PPP4R3B: variants seen among roughly 807,000 people sequenced by gnomAD.
PPP4R3B encodes serine/threonine-protein phosphatase 4 regulatory subunit 3B.
PPP4R3B carries 52 observed loss-of-function variants against 95.4 expected under a neutral mutation model. The observed-to-expected ratio is 0.54, with a 90% CI of 0.44 to 0.69. The LOEUF is 0.69. Among genes scored for constraint, PPP4R3B ranks in the 30% least tolerant of loss-of-function variants. The pLI is 0.00. For missense variants in PPP4R3B, 1,003 were observed against 1,005.9 expected (o/e 1.00, Z 0.04); for synonymous variants, 407 against 343.9 (o/e 1.18, Z -2.03).
chr2:55,574,616 CAG>C (rs1215082398), intron 11 of PPP4R3B, among the ~76,000 whole-genome samples: 4 of 148,092 alleles, frequency 2.7e-5, no homozygotes, highest in Non-Finnish European at 5.9e-5. Flanking sequence ...TTTTTTGATA[CAG>C]AGTCTTGCTC....
Position 55,599,049 on chromosome 2 carries a change from T to A in PPP4R3B, c.298-10A>T, listed in dbSNP as rs747176016. 1.8e-5 allele frequency: 29 copies of A among 1,587,598 alleles called. No homozygotes were observed. The South Asian group carries it at 3.2e-4, about 18-fold the overall frequency. On this transcript the variant is annotated splice_polypyrimidine_tract_variant and intron_variant, in intron 3 of 16. Transcript: ENST00000616407. Reference sequence around the variant, plus strand: ...GGTCTTTACCTTGAACCTAAAAATATCCAAGTATACAGCTAATTACCTTAA... The same window carrying A: ...GGTCTTTACCTTGAACCTAAAAATAACCAAGTATACAGCTAATTACCTTAA...
At chr2:55,559,354 A>C (rs945738011) in intron 15 of PPP4R3B, among the ~76,000 whole-genome samples, 20 of 152,104 alleles carry the variant, frequency 1.3e-4, no homozygotes, top group African/African-American at 4.1e-4. Flanking sequence ...CTCAAAAAAA[A>C]CCAAAAAAAC....
At chr2:55,588,338 A>C (rs564120428) in intron 5 of PPP4R3B, among the ~76,000 whole-genome samples, 100 of 152,156 alleles carry the variant, frequency 6.6e-4, no homozygotes, top group African/African-American at 2.3e-3. Flanking sequence ...ACATGGAGAA[A>C]TCCTGTCTCT....
At position 55,549,888 on chromosome 2, in the gene PPP4R3B, T is replaced by C. The variant is rs1685047808; in HGVS notation, c.*23A>G. ...AGTTGCAGCATTGTAAGACCACATGTTGAGGGTCCCCTAATAAATATTTTA... is the reference window on the plus strand; with the variant it reads ...AGTTGCAGCATTGTAAGACCACATGCTGAGGGTCCCCTAATAAATATTTTA... On this transcript the variant is annotated 3_prime_UTR_variant, in exon 17 of 17. Transcript: ENST00000616407. The C allele has an allele frequency of 6.4e-7, 1 of 1,554,802 alleles. No homozygotes were observed. The highest frequency in any genetic ancestry group is 2.2e-5 in the East Asian group (1 of 44,528).
rs769574321 is a variant in PPP4R3B, at chr2:55,551,835, A to G, written c.2455-1829T>C. ...GTGCTTCGTATGTAGTTAGTGTTCA[A>G]TAAGTGCTATTAGCTGCTATTACTA... On this transcript the variant is annotated intron_variant, in intron 16 of 16. Coordinates refer to ENST00000616407, the MANE Select transcript of PPP4R3B (RefSeq NM_001122964.3). 5.3e-5 allele frequency among the ~76,000 whole-genome samples: 8 copies of G among 152,228 alleles called. No homozygotes were observed. The South Asian group carries it at 1.4e-3, about 28-fold the overall frequency.
intron 4 of PPP4R3B, among the ~76,000 whole-genome samples, chr2:55,596,459 C>G (rs1691789366): frequency 6.6e-6 from 1 of 152,142 alleles, no homozygotes. Flanking sequence ...CAGTGATTAA[C>G]AATTACTATA....
At chr2:55,558,368 G>T (rs1459295329) in intron 16 of PPP4R3B, among the ~76,000 whole-genome samples, 1 of 152,156 alleles carries the variant, frequency 6.6e-6, no homozygotes, top group East Asian at 1.9e-4. Flanking sequence ...AATTCTCTTT[G>T]AGAGGCCGAG....
intron 2 of PPP4R3B, chr2:55,614,048 C>T (rs939480497): frequency 6.6e-6 from 1 of 152,024 alleles, no homozygotes; most frequent in African/African-American, 2.4e-5. Context: ...AAAAGACACA[C>T]AATATTTTCT....
chr2:55,561,580 G>A (rs566117128), intron 15 of PPP4R3B, among the ~76,000 whole-genome samples: 6 of 152,284 alleles, frequency 3.9e-5, no homozygotes, highest in South Asian at 2.1e-4. Flanking sequence ...CCATAGGGGC[G>A]AAGCCAGCCA....
intron 16 of PPP4R3B, among the ~76,000 whole-genome samples, chr2:55,552,206 C>T (rs918166218): frequency 1.3e-5 from 2 of 152,036 alleles, no homozygotes; most frequent in African/African-American, 2.4e-5. Context: ...AGTAAAAAGG[C>T]CTGTAATCTA....
Position 55,569,746 on chromosome 2 carries a change from C to T in PPP4R3B, c.1766-1383G>A, listed in dbSNP as rs183065055. Among the ~76,000 whole-genome samples, 578 of 152,204 alleles carry T rather than the reference C, an allele frequency of 3.8e-3. 4 individuals carry two copies. The highest frequency in any genetic ancestry group is 6.4e-3 in the Non-Finnish European group (437 of 68,002). On this transcript the variant is annotated intron_variant, in intron 12 of 16. Transcript: ENST00000616407. The stretch of plus-strand genomic sequence containing the variant: ...GCAGCCTGGCATTCGGGGCCACTAC[C>T]GGTCTCCGCGTCTTGGTGGTAGTGG...
intron 4 of PPP4R3B, among the ~76,000 whole-genome samples, chr2:55,590,653 T>A (rs1341053121): frequency 6.6e-6 from 1 of 152,234 alleles, no homozygotes; most frequent in African/African-American, 2.4e-5. Flanking sequence ...ATCTTCAAAA[T>A]TCATTTTTAT....
chr2:55,588,843 T>C, intron 5 of PPP4R3B, 36 bp downstream of exon 5: 1 of 1,421,840 alleles, frequency 7.0e-7, no homozygotes, highest in South Asian at 1.3e-5. Context: ...GCCAAAAGAA[T>C]AAGTGCTCTT....
intron 4 of PPP4R3B, among the ~76,000 whole-genome samples, chr2:55,589,956 ATTATATATATAT>A (rs1185610429): frequency 1.4e-5 from 2 of 140,520 alleles, no homozygotes; most frequent in African/African-American, 5.1e-5. Context: ...AATATATATA[ATTATATATATAT>A]TTATATATAT....
chr2:55,595,067 C>G (rs1691579276), intron 4 of PPP4R3B, among the ~76,000 whole-genome samples: 1 of 150,842 alleles, frequency 6.6e-6, no homozygotes, highest in Non-Finnish European at 1.5e-5. Context: ...CTCTGTCACC[C>G]TGGCTGGAGT....
chr2:55,612,937 C>G (rs1216220240), intron 2 of PPP4R3B, among the ~76,000 whole-genome samples: 2 of 149,514 alleles, frequency 1.3e-5, no homozygotes, highest in African/African-American at 4.9e-5. Context: ...CAGAGCGAGA[C>G]TCCATCTCAA....
At chr2:55,562,845 C>T (rs1299489152) in intron 15 of PPP4R3B, among the ~76,000 whole-genome samples, 1 of 152,174 alleles carries the variant, frequency 6.6e-6, no homozygotes, top group Non-Finnish European at 1.5e-5. Flanking sequence ...AGCTTCCACT[C>T]ACTGACTCTA....
At chr2:55,555,278 T>TAAAAAAAAAAAAAAAAAA (rs372423262) in intron 16 of PPP4R3B, among the ~76,000 whole-genome samples, 1 of 108,898 alleles carries the variant, frequency 9.2e-6, no homozygotes, top group Non-Finnish European at 1.8e-5. Context: ...AGACTCCGTC[T>TAAAAAAAAAAAAAAAAAA]AAAAAAAAAA....
In PPP4R3B at chr2:55,601,016, G is replaced by A. The variant is rs1032048422; in HGVS notation, c.298-1977C>T. Among the ~76,000 whole-genome samples, 14 of 151,870 alleles carry A rather than the reference G, an allele frequency of 9.2e-5. No individual in the cohort carries two copies. The East Asian group carries it at 1.8e-3, about 19-fold the overall frequency. On this transcript the variant is annotated intron_variant, in intron 3 of 16. Coordinates refer to ENST00000616407, the MANE Select transcript of PPP4R3B (RefSeq NM_001122964.3). ...ACAAAAATTAGCCAGGCATGGTGGC[G>A]CACGCCTGTAGTCCCAGCTATTAGG...
Sources: gnomAD v4.1 joint callset for allele counts (sites outside exome capture counted in the v4.1 genomes callset) on GRCh38, gnomAD v4.1.1 for gene constraint, MANE v1.5 for transcripts, NCBI Gene and HGNC (gene_info 2026-07-23, HGNC 2026-07-21) for gene names.